Variants in WT1 observed in about 807,000 individuals in gnomAD.
WT1 encodes the protein Wilms tumor protein.
Under a neutral mutation model 60.8 loss-of-function variants are expected in WT1, and 8 were observed. That is an observed-to-expected ratio of 0.13 (90% CI 0.08 to 0.24). WT1 has a LOEUF of 0.24. Ranked by LOEUF, WT1 falls within the 10% of genes least tolerant of loss-of-function variation. The pLI, the probability that WT1 is intolerant of heterozygous loss-of-function variation, is 1.00. For missense variants in WT1, 568 were observed against 711.8 expected (o/e 0.80, Z 2.30); for synonymous variants, 312 against 297.1 (o/e 1.05, Z -0.52).
At chr11:32,400,754 T>G (rs1468877124) in intron 5 of WT1, 1 of 158,822 alleles carries the variant, frequency 6.3e-6, no homozygotes, top group East Asian at 1.9e-4. Context: ...TGTTCTGTTC[T>G]AAAATTATTC....
At chr11:32,406,221 CA>C (rs1313973040) in intron 5 of WT1, among the ~76,000 whole-genome samples, 11 of 151,952 alleles carry the variant, frequency 7.2e-5, no homozygotes, top group Admixed American at 7.2e-4. Context: ...TTCCACAGAC[CA>C]GGGGTGGGGT....
intron 3 of WT1, among the ~76,000 whole-genome samples, chr11:32,424,335 A>G (rs1057380477): frequency 1.3e-5 from 2 of 152,158 alleles, no homozygotes; most frequent in African/African-American, 4.8e-5. Flanking sequence ...ACTTTGAGCA[A>G]GTTACTTTGA....
At chr11:32,408,514 T>TAAAAAAAAAAAAAAAAAAAAAAA (rs58685266) in intron 5 of WT1, among the ~76,000 whole-genome samples, 29 of 74,222 alleles carry the variant, frequency 3.9e-4, no homozygotes, top group Non-Finnish European at 6.2e-4. Context: ...GACTACGTCT[T>TAAAAAAAAAAAAAAAAAAAAAAA]AAAAAAAAAA....
chr11:32,391,084 G>A (rs1174964982), intron 9 of WT1, among the ~76,000 whole-genome samples: 1 of 152,108 alleles, frequency 6.6e-6, no homozygotes, highest in Non-Finnish European at 1.5e-5. Flanking sequence ...GCAAGGTCTA[G>A]TGAGCGTCCT....
At chr11:32,408,514 T>TAAAAAAAAAAAAAAAAAAAAAAAAAAA (rs58685266) in intron 5 of WT1, among the ~76,000 whole-genome samples, 2 of 74,240 alleles carry the variant, frequency 2.7e-5, no homozygotes, top group African/African-American at 4.6e-5. Context: ...GACTACGTCT[T>TAAAAAAAAAAAAAAAAAAAAAAAAAAA]AAAAAAAAAA....
At chr11:32,406,775 GA>G (rs1043509732) in intron 5 of WT1, among the ~76,000 whole-genome samples, 2 of 152,134 alleles carry the variant, frequency 1.3e-5, no homozygotes, top group African/African-American at 4.8e-5. Context: ...TGTATCCTGA[GA>G]AAATTTGCTT....
chr11:32,391,688 A>G (rs1194001262), intron 9 of WT1, among the ~76,000 whole-genome samples: 1 of 152,242 alleles, frequency 6.6e-6, no homozygotes, highest in Non-Finnish European at 1.5e-5. Context: ...TGTGTGATGC[A>G]ACAAACTGGA....
intron 5 of WT1, among the ~76,000 whole-genome samples, chr11:32,411,717 G>A (rs1188924995): frequency 6.6e-6 from 1 of 152,182 alleles, no homozygotes; most frequent in Non-Finnish European, 1.5e-5. Context: ...AAGCAGAAAA[G>A]TGAGAAGCAA....
intron 4 of WT1, among the ~76,000 whole-genome samples, chr11:32,417,208 G>C (rs537629804): frequency 1.8e-3 from 276 of 152,098 alleles, no homozygotes; most frequent in African/African-American, 6.1e-3. Flanking sequence ...TTTGGATCCC[G>C]GACTTTGCAC....
intron 7 of WT1, among the ~76,000 whole-genome samples, chr11:32,393,438 T>C (rs1331763747): frequency 6.6e-6 from 1 of 152,218 alleles, no homozygotes; most frequent in Non-Finnish European, 1.5e-5. Flanking sequence ...TTCAGCCAAA[T>C]ACTGGGACCT....
Position 32,396,415 on chromosome 11 carries a change from C to A in WT1, c.1114-8G>T, listed in dbSNP as rs1788608459. The stretch of plus-strand genomic sequence containing the variant: ...AGGCACACGTCGCACATCCTGCAGG[C>A]AGAGAGTAAGAGGAAGGGAGGCTTT... On this transcript the variant is annotated splice_region_variant and splice_polypyrimidine_tract_variant and intron_variant, in intron 6 of 9. Coordinates refer to ENST00000452863, the MANE Select transcript of WT1 (RefSeq NM_024426.6). 1 of 1,613,430 alleles carries A rather than the reference C, an allele frequency of 6.2e-7. No homozygotes were observed. Among genetic ancestry groups the A allele is most frequent in the Non-Finnish European group, 8.5e-7 (1 of 1,180,016 alleles).
intron 4 of WT1, among the ~76,000 whole-genome samples, chr11:32,416,872 T>A (rs912924669): frequency 6.6e-6 from 1 of 151,928 alleles, no homozygotes; most frequent in African/African-American, 2.4e-5. Flanking sequence ...CTCATGAGAG[T>A]GTTGGGAAGA....
intron 3 of WT1, among the ~76,000 whole-genome samples, chr11:32,419,234 GTT>G (rs1457741324): frequency 1.3e-5 from 2 of 152,202 alleles, no homozygotes; most frequent in Non-Finnish European, 2.9e-5. Context: ...CCACAGGAGA[GTT>G]TCTTGAACTT....
rs769371345 is a variant in WT1 at position 32,392,000 on chromosome 11, G to A, written c.1419C>T (p.Thr473=). ...TTTTACCTGTATGAGTCCTGGTGTGGGTCTTCAGGTGGTCGGACCGGGAGA... is the reference window on the plus strand; with the variant it reads ...TTTTACCTGTATGAGTCCTGGTGTGAGTCTTCAGGTGGTCGGACCGGGAGA... Residue 473 remains threonine (T), a synonymous_variant, in exon 9 of 10, where the codon ACC becomes ACT. Transcript: ENST00000452863. 6.2e-7 allele frequency: 1 copy of A among 1,614,092 alleles called. No individual in the cohort carries two copies. Among genetic ancestry groups the A allele is most frequent in the South Asian group, 1.1e-5 (1 of 91,062 alleles).
At chr11:32,420,781 T>C (rs1388379592) in intron 3 of WT1, among the ~76,000 whole-genome samples, 1 of 152,224 alleles carries the variant, frequency 6.6e-6, no homozygotes, top group East Asian at 1.9e-4. Context: ...AAAATGACGA[T>C]GCTGCAAGAT....
chr11:32,405,179 G>A (rs1225623797), intron 5 of WT1, among the ~76,000 whole-genome samples: 2 of 152,040 alleles, frequency 1.3e-5, no homozygotes, highest in Non-Finnish European at 2.9e-5. Flanking sequence ...TCACAGGGAC[G>A]GCTACCCTGG....
intron 5 of WT1, among the ~76,000 whole-genome samples, chr11:32,412,029 C>T (rs562895809): frequency 9.8e-5 from 15 of 152,300 alleles, no homozygotes; most frequent in Non-Finnish European, 2.1e-4. Context: ...ATCTCAGGCT[C>T]CGGGAGCCAC....
At chr11:32,429,121 T>A in intron 1 of WT1, 1 of 259,798 alleles carries the variant, frequency 3.8e-6, no homozygotes, top group Non-Finnish European at 7.6e-6. Context: ...AATGGCCTGG[T>A]CTTAAAAATG....
At chr11:32,420,562 T>C (rs749629943) in intron 3 of WT1, among the ~76,000 whole-genome samples, 2 of 152,204 alleles carry the variant, frequency 1.3e-5, no homozygotes, top group Non-Finnish European at 2.9e-5. Flanking sequence ...AGTCCCCATT[T>C]ATTAGATGAG....
Sources: allele counts gnomAD v4.1 joint callset (sites outside exome capture counted in the v4.1 genomes callset), GRCh38; gene constraint gnomAD v4.1.1; transcripts MANE v1.5; gene names NCBI Gene and HGNC (gene_info 2026-07-23, HGNC 2026-07-21).